Variants in TIMM13 observed in about 807,000 individuals in gnomAD.
The protein encoded by TIMM13 is translocase of inner mitochondrial membrane 13.
In TIMM13, 8 loss-of-function variants were observed where a neutral mutation model predicts 10.9. The ratio of observed to expected loss-of-function variants is 0.73; its 90% CI spans 0.43 to 1.32. The LOEUF (loss-of-function observed/expected upper bound fraction) is 1.32. Among genes scored for constraint, TIMM13 ranks in the 40% most tolerant of loss-of-function variants. The pLI is 0.01. For synonymous variants in TIMM13, 68 were observed against 52.5 expected, an observed-to-expected ratio of 1.30 and a Z score of -1.28; for missense variants, 147 against 132.8, an observed-to-expected ratio of 1.11 and a Z score of -0.53.
rs377765739 is a variant in TIMM13 at position 2,427,534 on chromosome 19, G to A, written c.-1C>T. ...AATCGGAGCCGAAGCCGCCCTCCAT[G>A]GCTCCGCAAAGTCAACCGGACCGAG... On this transcript the variant is annotated 5_prime_UTR_variant, in exon 1 of 3. Transcript: ENST00000215570. The A allele has an allele frequency of 1.9e-6, 3 of 1,602,148 alleles. No homozygotes were observed. Among genetic ancestry groups the A allele is most frequent in the African/African-American group, 2.7e-5 (2 of 74,888 alleles).
In TIMM13 at chr19:2,425,808, T is replaced by G. The variant is rs1249298376; in HGVS notation, c.*1140A>C. 7.3e-6 allele frequency: 10 copies of G among 1,373,264 alleles called. No homozygotes were observed. Among genetic ancestry groups the G allele is most frequent in the South Asian group, 3.0e-5 (2 of 65,718 alleles). 85.1% of individuals were successfully genotyped at this position (1,373,264 alleles called of 1,614,324 possible). On this transcript the variant is annotated 3_prime_UTR_variant, in exon 3 of 3. Transcript: ENST00000215570. Reference sequence around the variant, plus strand: ...CTTTGCATTGAGCCCATTTTCCAGATAGTGAAAATGCGGCTCCCAGGGGAA... The same window carrying G: ...CTTTGCATTGAGCCCATTTTCCAGAGAGTGAAAATGCGGCTCCCAGGGGAA...
rs142860543 is a variant in TIMM13, at chr19:2,426,701, C to T, written c.*247G>A. 146 of 589,510 alleles carry T rather than the reference C, an allele frequency of 2.5e-4. 1 individual carries two copies. In the East Asian group the frequency reaches 3.8e-3, roughly 15 times the overall value. 36.5% of individuals were successfully genotyped at this position (589,510 alleles called of 1,614,324 possible). On this transcript the variant is annotated 3_prime_UTR_variant, in exon 3 of 3. Coordinates refer to ENST00000215570, the MANE Select transcript of TIMM13 (RefSeq NM_012458.4). The stretch of plus-strand genomic sequence containing the variant: ...GACTTGGGCACACTAGGGGAATACC[C>T]CAAAGGCCTGAAGGAGGTGCCACTG...
Position 2,427,333 on chromosome 19 carries a change from A to C in TIMM13, c.121-9T>G. The C allele has an allele frequency of 6.2e-7, 1 of 1,613,096 alleles. No individual in the cohort carries two copies. The highest frequency in any genetic ancestry group is 8.5e-7 in the Non-Finnish European group (1 of 1,179,740). The stretch of plus-strand genomic sequence containing the variant: ...CACTTGTCCGTCATCCTCTGTGGAG[A>C]CACGCGAGGCTTTAGCCGCGACGTC... On this transcript the variant is annotated splice_polypyrimidine_tract_variant and intron_variant, in intron 1 of 2. Transcript: ENST00000215570.
Position 2,427,515 on chromosome 19 carries a change from A to G in TIMM13, c.19T>C (p.Ser7Pro), listed in dbSNP as rs759409578. 2.5e-6 allele frequency: 4 copies of G among 1,607,880 alleles called. No individual in the cohort carries two copies. The highest frequency in any genetic ancestry group is 3.4e-6 in the Non-Finnish European group (4 of 1,177,798). MEGGFGSDFGGSGSGKL... is the reference protein window; with the variant it reads MEGGFGPDFGGSGSGKL... Reference sequence around the variant, plus strand: ...CCGCTGCCGGAGCCCCCGAAATCGGAGCCGAAGCCGCCCTCCATGGCTCCG... The same window carrying G: ...CCGCTGCCGGAGCCCCCGAAATCGGGGCCGAAGCCGCCCTCCATGGCTCCG... The change falls in exon 1 of 3, where the codon TCC becomes CCC. Residue 7 changes from serine (S) to proline (P), a missense_variant. Coordinates refer to ENST00000215570, the MANE Select transcript of TIMM13 (RefSeq NM_012458.4).
chr19:2,426,154 CCCCACCCCACCGTA>C lies in TIMM13; in HGVS notation c.*780_*793del. Reference sequence around the variant, plus strand: ...AACAGGAGCAGCAGGCCACCCAACACCCCACCCCACCGTACCCTACCCAAGGACGGGTGTGGGGG... The same window carrying C: ...AACAGGAGCAGCAGGCCACCCAACACCCCTACCCAAGGACGGGTGTGGGGG... On this transcript the variant is annotated 3_prime_UTR_variant, in exon 3 of 3. Transcript: ENST00000215570. 1 of 1,370,408 alleles carries C rather than the reference CCCCACCCCACCGTA, an allele frequency of 7.3e-7. No homozygotes were observed. The highest frequency in any genetic ancestry group is 9.4e-7 in the Non-Finnish European group (1 of 1,063,998). The allele number at this position is 1,370,408 out of a possible 1,614,324, so 84.9% of individuals were successfully genotyped here.
chr19:2,426,198 G>T lies in TIMM13; in HGVS notation c.*750C>A. On this transcript the variant is annotated 3_prime_UTR_variant, in exon 3 of 3. Coordinates refer to ENST00000215570, the MANE Select transcript of TIMM13 (RefSeq NM_012458.4). ...ACCCAAGGACGGGTGTGGGGGGGCT[G>T]TGGGTCATGGGGATGCATTTTGGTA... 1.2e-6 allele frequency: 1 copy of T among 843,416 alleles called. No individual in the cohort carries two copies. The highest frequency in any genetic ancestry group is 1.5e-6 in the Non-Finnish European group (1 of 650,298). The allele number at this position is 843,416 out of a possible 1,614,324, so 52.2% of individuals were successfully genotyped here. A position where few individuals can be genotyped will look rare whatever the true frequency, so the allele number is the denominator to read the frequency against.
chr19:2,426,944 C>T lies in TIMM13; in HGVS notation c.*4G>A. ...AACAGGGTGGGGTGGCCCGCGCTCG[C>T]CGGTCACATGTTGGCTCGTTCCCGC... is the stretch of plus-strand genomic sequence containing the variant. On this transcript the variant is annotated 3_prime_UTR_variant, in exon 3 of 3. Coordinates refer to ENST00000215570, the MANE Select transcript of TIMM13 (RefSeq NM_012458.4). 2 of 1,582,234 alleles carry T rather than the reference C, an allele frequency of 1.3e-6. No individual in the cohort carries two copies. Among genetic ancestry groups the T allele is most frequent in the Non-Finnish European group, 1.7e-6 (2 of 1,165,588 alleles).
rs1295378125 is a variant in TIMM13, at chr19:2,426,423, T to C, written c.*525A>G. ...GGTGGCAGCAGCAACACATTCCTCG[T>C]GACTCAGCAGCCCGGTGGCACTAAG... On this transcript the variant is annotated 3_prime_UTR_variant, in exon 3 of 3. Coordinates refer to ENST00000215570, the MANE Select transcript of TIMM13 (RefSeq NM_012458.4). 2 of 315,674 alleles carry C rather than the reference T, an allele frequency of 6.3e-6. No homozygotes were observed. The highest frequency in any genetic ancestry group is 9.3e-4 in the Middle Eastern group (1 of 1,072). The allele number at this position is 315,674 out of a possible 1,614,324, so 19.6% of individuals were successfully genotyped here.
Position 2,426,366 on chromosome 19 carries a change from G to A in TIMM13, c.*582C>T, listed in dbSNP as rs909347221. 2.4e-6 allele frequency: 1 copy of A among 412,306 alleles called. No homozygotes were observed. Among genetic ancestry groups the A allele is most frequent in the Non-Finnish European group, 4.3e-6 (1 of 230,596 alleles). The allele number at this position is 412,306 out of a possible 1,614,324, so 25.5% of individuals were successfully genotyped here. ...AGGGTCAAAGCAAGCCCTGACAAGG[G>A]GAAGGCTGTCCCCCTTAGCCTTTGG... On this transcript the variant is annotated 3_prime_UTR_variant, in exon 3 of 3. Transcript: ENST00000215570.
intron 2 of TIMM13, 68 bp from the exon 3 acceptor site, chr19:2,427,114 G>T: frequency 6.3e-7 from 1 of 1,577,964 alleles, no homozygotes. Context: ...CCTGACCCCG[G>T]CTCCAGGACG....
In TIMM13 at chr19:2,426,763, C is replaced by G. The variant is rs886478966; in HGVS notation, c.*185G>C. 5 of 657,880 alleles carry G rather than the reference C, an allele frequency of 7.6e-6. No homozygotes were observed. In the African/African-American group the frequency reaches 9.0e-5, roughly 12 times the overall value. The allele number at this position is 657,880 out of a possible 1,614,324, so 40.8% of individuals were successfully genotyped here. On this transcript the variant is annotated 3_prime_UTR_variant, in exon 3 of 3. Transcript: ENST00000215570. ...CTTCAGGAAGGCACAGGGCCCCACA[C>G]CCCCGAGATCCAAGCTGCACTGGCT...
intron 2 of TIMM13, 36 bp downstream of exon 2, chr19:2,427,220 C>G (rs184924628): frequency 6.2e-7 from 1 of 1,609,060 alleles, no homozygotes; most frequent in South Asian, 1.1e-5. Context: ...AATCTAGGCC[C>G]TCGCGACCCT....
chr19:2,426,744 G>C lies in TIMM13; in HGVS notation c.*204C>G, dbSNP rs937882475. On this transcript the variant is annotated 3_prime_UTR_variant, in exon 3 of 3. Transcript: ENST00000215570. ...TGCCACTGGGCTGCCAGCACTTCAG[G>C]AAGGCACAGGGCCCCACACCCCCGA... The C allele has an allele frequency of 3.2e-6, 2 of 617,192 alleles. No individual in the cohort carries two copies. Among genetic ancestry groups the C allele is most frequent in the Non-Finnish European group, 5.8e-6 (2 of 346,456 alleles). 38.2% of individuals were successfully genotyped at this position (617,192 alleles called of 1,614,324 possible).
chr19:2,425,829 G>A lies in TIMM13; in HGVS notation c.*1119C>T. ...CAGATAGTGAAAATGCGGCTCCCAG[G>A]GGAAGTCACTAGGGTCACTCCTAGA... On this transcript the variant is annotated 3_prime_UTR_variant, in exon 3 of 3. Coordinates refer to ENST00000215570, the MANE Select transcript of TIMM13 (RefSeq NM_012458.4). The A allele has an allele frequency of 3.5e-6, 5 of 1,445,580 alleles. No homozygotes were observed. Among genetic ancestry groups the A allele is most frequent in the East Asian group, 2.5e-5 (1 of 40,222 alleles). 89.5% of individuals were successfully genotyped at this position (1,445,580 alleles called of 1,614,324 possible). A position where few individuals can be genotyped will look rare whatever the true frequency, so the allele number is the denominator to read the frequency against.
chr19:2,426,769 A>C lies in TIMM13; in HGVS notation c.*179T>G. On this transcript the variant is annotated 3_prime_UTR_variant, in exon 3 of 3. Transcript: ENST00000215570. Reference sequence around the variant, plus strand: ...GAAGGCACAGGGCCCCACACCCCCGAGATCCAAGCTGCACTGGCTGGCAGG... The same window carrying C: ...GAAGGCACAGGGCCCCACACCCCCGCGATCCAAGCTGCACTGGCTGGCAGG... The C allele has an allele frequency of 1.5e-6, 1 of 669,888 alleles. No homozygotes were observed. The highest frequency in any genetic ancestry group is 2.6e-6 in the Non-Finnish European group (1 of 386,210). The allele number at this position is 669,888 out of a possible 1,614,324, so 41.5% of individuals were successfully genotyped here.
In TIMM13 at chr19:2,427,426, C is replaced by T. The variant is rs765161370; in HGVS notation, c.108G>A (p.Gln36=). The change falls in exon 1 of 3, where the codon CAG becomes CAA. Residue 36 remains glutamine, a synonymous_variant. Coordinates refer to ENST00000215570, the MANE Select transcript of TIMM13 (RefSeq NM_012458.4). ...GCCAGCCCCGCACCTGCAGCAGCTC[C>T]TGCGCGTTGGCCACGGCGATCTGCA... ...VKVQIAVANA[Q]ELLQRMTDKC... 7 of 1,612,670 alleles carry T rather than the reference C, an allele frequency of 4.3e-6. No homozygotes were observed. Among genetic ancestry groups the T allele is most frequent in the Admixed American group, 1.7e-5 (1 of 59,982 alleles).
In TIMM13 at chr19:2,426,743, G is replaced by C. The variant is rs11542680; in HGVS notation, c.*205C>G. 1 of 616,900 alleles carries C rather than the reference G, an allele frequency of 1.6e-6. No individual in the cohort carries two copies. The highest frequency in any genetic ancestry group is 2.9e-6 in the Non-Finnish European group (1 of 346,158). 38.2% of individuals were successfully genotyped at this position (616,900 alleles called of 1,614,324 possible). On this transcript the variant is annotated 3_prime_UTR_variant, in exon 3 of 3. Transcript: ENST00000215570. ...GTGCCACTGGGCTGCCAGCACTTCA[G>C]GAAGGCACAGGGCCCCACACCCCCG...
In TIMM13 at chr19:2,426,079, C is replaced by G; in HGVS notation, c.*869G>C. 1 of 1,605,278 alleles carries G rather than the reference C, an allele frequency of 6.2e-7. No individual in the cohort carries two copies. Among genetic ancestry groups the G allele is most frequent in the Non-Finnish European group, 8.5e-7 (1 of 1,176,962 alleles). On this transcript the variant is annotated 3_prime_UTR_variant, in exon 3 of 3. Coordinates refer to ENST00000215570, the MANE Select transcript of TIMM13 (RefSeq NM_012458.4). ...TGAGAGGCTGGATAGGACAGCACAT[C>G]CAGGAGTGACCACCACGTGACTGCC...
rs765088710 is a variant in TIMM13 at position 2,427,494 on chromosome 19, T to TGCCGGAGCCCCCGAAATCGGA, written c.19_39dup (p.Asp8_Ser14dup). On this transcript the variant is annotated inframe_insertion, in exon 1 of 3. Transcript: ENST00000215570. ...ATGAGCCCTGGGTCCAGCTTCCCGC[T>TGCCGGAGCCCCCGAAATCGGA]GCCGGAGCCCCCGAAATCGGAGCCG... The TGCCGGAGCCCCCGAAATCGGA allele has an allele frequency of 1.2e-6, 2 of 1,611,608 alleles. No homozygotes were observed. The highest frequency in any genetic ancestry group is 1.7e-6 in the Non-Finnish European group (2 of 1,179,310).
Sources: gnomAD v4.1 joint callset for allele counts on GRCh38, gnomAD v4.1.1 for gene constraint, MANE v1.5 for transcripts, NCBI Gene and HGNC (gene_info 2026-07-23, HGNC 2026-07-21) for gene names.